NIN: variants seen among roughly 807,000 people sequenced by gnomAD.
The protein encoded by NIN is glycogen synthase kinase 3 beta-interacting protein.
Under a neutral mutation model 257.6 loss-of-function variants are expected in NIN, and 137 were observed. The observed-to-expected ratio is 0.53, with a 90% CI of 0.46 to 0.61. NIN has a LOEUF of 0.61. Ranked by LOEUF, NIN falls within the 20% of genes least tolerant of loss-of-function variation. NIN has a pLI of 0.00. For synonymous variants in NIN, 918 were observed against 919.8 expected (o/e 1.00, Z 0.04); for missense variants, 2,439 against 2,501.2 (o/e 0.98, Z 0.53).
rs1409840614 is a variant in NIN, at chr14:50,725,944, T to C, written c.6192+9A>G. ...AGGTGGGTGAACAGAGATGACCGGGTAGGCTCACTTGTTCTTTGAGCTGAT... is the reference window on the plus strand; with the variant it reads ...AGGTGGGTGAACAGAGATGACCGGGCAGGCTCACTTGTTCTTTGAGCTGAT... On this transcript the variant is annotated intron_variant, in intron 30 of 30. Coordinates refer to ENST00000530997, the MANE Select transcript of NIN (RefSeq NM_020921.4). 1 of 1,613,952 alleles carries C rather than the reference T, an allele frequency of 6.2e-7. No individual in the cohort carries two copies. Among genetic ancestry groups the C allele is most frequent in the Non-Finnish European group, 8.5e-7 (1 of 1,179,950 alleles).
At chr14:50,753,318 T>C (rs962085297) in intron 20 of NIN, among the ~76,000 whole-genome samples, 1 of 152,206 alleles carries the variant, frequency 6.6e-6, no homozygotes, top group African/African-American at 2.4e-5. Flanking sequence ...GAGAATCGCT[T>C]GAACCCAGGG....
At chr14:50,744,031 G>A (rs539797376) in intron 23 of NIN, among the ~76,000 whole-genome samples, 26 of 152,286 alleles carry the variant, frequency 1.7e-4, no homozygotes, top group African/African-American at 6.0e-4. Flanking sequence ...GTATTATCGA[G>A]TTTAATAATA....
intron 4 of NIN, among the ~76,000 whole-genome samples, chr14:50,793,423 AAC>A (rs1341412620): frequency 6.6e-6 from 1 of 152,122 alleles, no homozygotes; most frequent in Non-Finnish European, 1.5e-5. Flanking sequence ...AAACGGACAC[AAC>A]ACATTCTAAG....
Position 50,756,929 on chromosome 14 carries a change from A to T in NIN, c.4101T>A (p.Asn1367Lys). 1 of 1,573,978 alleles carries T rather than the reference A, an allele frequency of 6.4e-7. No individual in the cohort carries two copies. Among genetic ancestry groups the T allele is most frequent in the Non-Finnish European group, 8.6e-7 (1 of 1,157,790 alleles). ...TGGGCACACACTCTTCCAGTGTCTGATTGAGCTGGAGTATATTTCCATCAG... is the reference window on the plus strand; with the variant it reads ...TGGGCACACACTCTTCCAGTGTCTGTTTGAGCTGGAGTATATTTCCATCAG... ...IEPDGNILQL[N>K]QTLEECVPRV... The change falls in exon 18 of 31, where the codon AAT becomes AAA. Residue 1367 changes from asparagine to lysine, a missense_variant. By Grantham distance (94) the Asn-to-Lys change is moderately conservative (BLOSUM62 0). Coordinates refer to ENST00000530997, the MANE Select transcript of NIN (RefSeq NM_020921.4).
chr14:50,779,852 G>A (rs1056953930), intron 5 of NIN, among the ~76,000 whole-genome samples: 1 of 152,192 alleles, frequency 6.6e-6, no homozygotes, highest in South Asian at 2.1e-4. Flanking sequence ...GCATAGTGAG[G>A]AGAGAGATGC....
chr14:50,761,386 A>C (rs987761401), intron 16 of NIN, among the ~76,000 whole-genome samples: 4 of 152,244 alleles, frequency 2.6e-5, no homozygotes, highest in Admixed American at 2.6e-4. Context: ...AAGGTAACTC[A>C]TAAGAACGGT....
At chr14:50,728,017 G>C (rs2140330042) in intron 29 of NIN, among the ~76,000 whole-genome samples, 1 of 152,142 alleles carries the variant, frequency 6.6e-6, no homozygotes, top group East Asian at 1.9e-4. Context: ...ATTCTGGTGA[G>C]AGTAATAAGC....
intron 3 of NIN, among the ~76,000 whole-genome samples, chr14:50,820,393 C>G (rs1452272109): frequency 2.0e-5 from 3 of 152,178 alleles, no homozygotes; most frequent in Non-Finnish European, 4.4e-5. Context: ...TCCATATTTA[C>G]GCAGACTCTA....
rs200932073 is a variant in NIN, at chr14:50,792,776, G to A, written c.371C>T (p.Thr124Met). The change falls in exon 5 of 31, where the codon ACG (threonine) becomes ATG (methionine). Residue 124 changes from threonine to methionine, a missense_variant. By Grantham distance (81) the Thr-to-Met change is moderately conservative. Around this residue, in one of 3 missense-constraint regions of NIN, gnomAD observed 387 missense variants for 427.3 expected, o/e 0.91. Transcript: ENST00000530997. Reference protein sequence around the residue: ...QESVEEFPEVTVIEPLDEEAR... With the variant: ...QESVEEFPEVMVIEPLDEEAR... ...TTCTTCATCCAGTGGCTCAATCACC[G>A]TCACTTCAGGAAACTCCTCCACGGA... 60 of 1,614,022 alleles carry A rather than the reference G, an allele frequency of 3.7e-5. No individual in the cohort carries two copies. In the Middle Eastern group the frequency reaches 4.9e-4, roughly 13 times the overall value.
chr14:50,784,597 T>C (rs2043265054), intron 5 of NIN, among the ~76,000 whole-genome samples: 1 of 152,234 alleles, frequency 6.6e-6, no homozygotes, highest in Non-Finnish European at 1.5e-5. Flanking sequence ...TAGTGCCAGC[T>C]TTAAAGAACA....
In NIN at chr14:50,729,733, A is replaced by G; in HGVS notation, c.5878-10T>C. 6.3e-7 allele frequency: 1 copy of G among 1,587,532 alleles called. No homozygotes were observed. The highest frequency in any genetic ancestry group is 8.6e-7 in the Non-Finnish European group (1 of 1,166,522). ...ACCTCAGGTGCTGCATCTGAAGGAC[A>G]AGGGCAAAGCCCTGTTCAGCTGAGT... is the stretch of plus-strand genomic sequence containing the variant. On this transcript the variant is annotated splice_polypyrimidine_tract_variant and intron_variant, in intron 28 of 30. Transcript: ENST00000530997.
upstream of NIN, among the ~76,000 whole-genome samples, chr14:50,831,422 C>A (rs1206268990): frequency 6.6e-6 from 1 of 152,202 alleles, no homozygotes; most frequent in Non-Finnish European, 1.5e-5. Context: ...CCTTGCCTGT[C>A]CGCCTCCCTT....
chr14:50,830,741 C>T (rs2045669982), intron 1 of NIN: 3 of 152,020 alleles, frequency 2.0e-5, no homozygotes, highest in Non-Finnish European at 4.5e-5. Context: ...CCCCCGCCCG[C>T]GCAGCCCGCG....
intron 27 of NIN, among the ~76,000 whole-genome samples, chr14:50,737,679 T>C (rs2041061663): frequency 6.8e-6 from 1 of 147,706 alleles, no homozygotes; most frequent in African/African-American, 2.5e-5. Context: ...AGAGTCTCAC[T>C]CTGTTACCCA....
chr14:50,726,372 T>C (rs900991378), intron 29 of NIN: 1 of 267,090 alleles, frequency 3.7e-6, no homozygotes, highest in Non-Finnish European at 7.2e-6. Context: ...TCTAGTAAAA[T>C]GGACATCCAA....
chr14:50,819,882 A>G (rs1028662863), intron 3 of NIN, among the ~76,000 whole-genome samples: 1 of 152,200 alleles, frequency 6.6e-6, no homozygotes, highest in Non-Finnish European at 1.5e-5. Context: ...TAATTTTACA[A>G]CTATAATCCC....
At chr14:50,732,426 C>A (rs575657773) in intron 28 of NIN, among the ~76,000 whole-genome samples, 1 of 152,284 alleles carries the variant, frequency 6.6e-6, no homozygotes, top group Non-Finnish European at 1.5e-5. Context: ...AGGTATCATA[C>A]TATAAATAAA....
In NIN at chr14:50,772,963, G is replaced by T; in HGVS notation, c.799C>A (p.His267Asn). ...ASTPYRQLKRHLSMQSFDESG... is the reference protein window; with the variant it reads ...ASTPYRQLKRNLSMQSFDESG... The stretch of plus-strand genomic sequence containing the variant: ...TTATTTTTTACCTGCATGGAAAGGT[G>T]CCTTTTTAGTTGTCTATATGGAGTA... Residue 267 changes from histidine (H) to asparagine (N), a missense_variant, in exon 8 of 31, where the codon CAC becomes AAC. This residue lies in a region of NIN where 387 missense variants were observed against 427.3 expected (regional missense o/e 0.91). Coordinates refer to ENST00000530997, the MANE Select transcript of NIN (RefSeq NM_020921.4). The T allele has an allele frequency of 6.2e-7, 1 of 1,609,898 alleles. No individual in the cohort carries two copies. The highest frequency in any genetic ancestry group is 8.5e-7 in the Non-Finnish European group (1 of 1,178,850).
intron 13 of NIN, 82 bp downstream of exon 13, chr14:50,766,698 T>G: frequency 1.1e-6 from 1 of 928,350 alleles, no homozygotes; most frequent in Non-Finnish European, 1.7e-6. Flanking sequence ...ATAAAAATGT[T>G]CTGGTGGCAT....
Sources: allele counts gnomAD v4.1 joint callset (sites outside exome capture counted in the v4.1 genomes callset), GRCh38; gene constraint gnomAD v4.1.1; regional missense constraint gnomAD v4.1.1; transcripts MANE v1.5; gene names NCBI Gene and HGNC (gene_info 2026-07-23, HGNC 2026-07-21).